The following CSMD1 variants were observed in gnomAD, a reference collection of about 807,000 sequenced individuals.
The protein encoded by CSMD1 is CUB and Sushi multiple domains 1, also known as CUB and sushi domain-containing protein 1.
CSMD1 carries 213 observed loss-of-function variants against 417.5 expected under a neutral mutation model. The observed-to-expected ratio is 0.51, with a 90% CI of 0.46 to 0.57. The LOEUF is 0.57. Among genes scored for constraint, CSMD1 ranks in the 20% least tolerant of loss-of-function variants. CSMD1 has a pLI of 0.00. For missense variants in CSMD1, 6,923 were observed against 4,529.7 expected (o/e 1.53, Z -15.17); for synonymous variants, 2,862 against 1,736.8 (o/e 1.65, Z -16.11).
At chr8:4,406,707 G>C (rs1362913635) in intron 3 of CSMD1, among the ~76,000 whole-genome samples, 1 of 152,168 alleles carries the variant, frequency 6.6e-6, no homozygotes. Flanking sequence ...CTTTCAACAA[G>C]CTTGTGATGT....
At chr8:4,115,050 G>C (rs1044137832) in intron 3 of CSMD1, among the ~76,000 whole-genome samples, 3 of 152,180 alleles carry the variant, frequency 2.0e-5, no homozygotes, top group Non-Finnish European at 2.9e-5. Context: ...TTCAAATTTT[G>C]AAAGAATTGC....
chr8:4,941,995 C>A (rs978021238), intron 1 of CSMD1, among the ~76,000 whole-genome samples: 1 of 152,134 alleles, frequency 6.6e-6, no homozygotes, highest in Non-Finnish European at 1.5e-5. Context: ...CATTTAAAAC[C>A]TGAATCAAAT....
intron 1 of CSMD1, among the ~76,000 whole-genome samples, chr8:4,977,546 C>T (rs1810634124): frequency 6.6e-6 from 1 of 152,200 alleles, no homozygotes; most frequent in Admixed American, 6.5e-5. Flanking sequence ...AGAGGGAACA[C>T]AGCGCACAGT....
intron 18 of CSMD1, among the ~76,000 whole-genome samples, chr8:3,383,483 C>T (rs1300813377): frequency 6.6e-6 from 1 of 151,948 alleles, no homozygotes; most frequent in Non-Finnish European, 1.5e-5. Flanking sequence ...GGAGGGAAGC[C>T]TTCTTCCACA....
chr8:3,947,669 G>A (rs962155471), intron 5 of CSMD1, among the ~76,000 whole-genome samples: 1 of 152,134 alleles, frequency 6.6e-6, no homozygotes, highest in Non-Finnish European at 1.5e-5. Flanking sequence ...ATTATGTTGT[G>A]ATAAGATAAT....
intron 10 of CSMD1, among the ~76,000 whole-genome samples, chr8:3,541,693 T>G (rs2117567924): frequency 6.7e-6 from 1 of 149,454 alleles, no homozygotes; most frequent in Non-Finnish European, 1.5e-5. Flanking sequence ...TAGTACTAGT[T>G]CAGAAAATTC....
chr8:4,022,839 G>A (rs1047238492), intron 4 of CSMD1, among the ~76,000 whole-genome samples: 1 of 152,204 alleles, frequency 6.6e-6, no homozygotes, highest in African/African-American at 2.4e-5. Context: ...TCAGAAAGAA[G>A]AAGAGAGTTC....
chr8:4,089,061 G>T (rs187394795), intron 3 of CSMD1, among the ~76,000 whole-genome samples: 1 of 152,142 alleles, frequency 6.6e-6, no homozygotes, highest in East Asian at 1.9e-4. Context: ...TGGTCTTGCC[G>T]CCAGAGCTTC....
At chr8:4,059,578 C>G (rs2130732124) in intron 3 of CSMD1, among the ~76,000 whole-genome samples, 1 of 151,906 alleles carries the variant, frequency 6.6e-6, no homozygotes, top group East Asian at 1.9e-4. Flanking sequence ...AGAGAAGAAT[C>G]AAATAGATGC....
chr8:3,036,250 T>G (rs1385804812), intron 50 of CSMD1, among the ~76,000 whole-genome samples: 1 of 152,206 alleles, frequency 6.6e-6, no homozygotes, highest in Non-Finnish European at 1.5e-5. Flanking sequence ...TTTAAGATAT[T>G]TAGACAAGGG....
intron 5 of CSMD1, among the ~76,000 whole-genome samples, chr8:3,991,274 G>C (rs538450009): frequency 2.1e-4 from 32 of 152,358 alleles, no homozygotes; most frequent in African/African-American, 5.8e-4. Context: ...GGTATTGAAA[G>C]AAGTTCGCAT....
At chr8:4,869,529 C>G (rs983166073) in intron 1 of CSMD1, among the ~76,000 whole-genome samples, 37 of 151,982 alleles carry the variant, frequency 2.4e-4, no homozygotes, top group African/African-American at 8.2e-4. Context: ...GATAGTGTAT[C>G]TATTTATATT....
chr8:3,556,832 T>C (rs1001352661), intron 10 of CSMD1, among the ~76,000 whole-genome samples: 3 of 151,948 alleles, frequency 2.0e-5, no homozygotes, highest in East Asian at 3.9e-4. Context: ...CTCCCTTCAC[T>C]GCCATAGGGC....
chr8:3,876,235 C>G (rs1414313309), intron 5 of CSMD1, among the ~76,000 whole-genome samples: 1 of 152,136 alleles, frequency 6.6e-6, no homozygotes, highest in African/African-American at 2.4e-5. Context: ...ATCGCTAAGC[C>G]AGACGTTTAA....
intron 11 of CSMD1, among the ~76,000 whole-genome samples, chr8:3,475,107 G>A (rs1289316704): frequency 6.6e-6 from 1 of 152,092 alleles, no homozygotes; most frequent in East Asian, 1.9e-4. Flanking sequence ...TGTATGGACT[G>A]TCAACTCTTC....
At chr8:4,845,236 G>C (rs761479091) in intron 1 of CSMD1, among the ~76,000 whole-genome samples, 1 of 152,018 alleles carries the variant, frequency 6.6e-6, no homozygotes, top group Non-Finnish European at 1.5e-5. Context: ...GTACTGTTCA[G>C]TATTATATTT....
intron 1 of CSMD1, among the ~76,000 whole-genome samples, chr8:4,849,450 G>A (rs955837098): frequency 2.0e-5 from 3 of 151,896 alleles, no homozygotes; most frequent in Non-Finnish European, 4.4e-5. Flanking sequence ...CGGTTGTAAA[G>A]TCCACAATAG....
chr8:3,236,937 C>G (rs1331249775), intron 26 of CSMD1, among the ~76,000 whole-genome samples: 2 of 152,048 alleles, frequency 1.3e-5, no homozygotes, highest in Non-Finnish European at 2.9e-5. Flanking sequence ...CACAGAGGCA[C>G]TTTCCACAGG....
At chr8:3,926,096 C>CCAT (rs761974231) in intron 5 of CSMD1, among the ~76,000 whole-genome samples, 1 of 81,180 alleles carries the variant, frequency 1.2e-5, no homozygotes, top group South Asian at 3.8e-4. Flanking sequence ...CACACACACA[C>CCAT]ACACACACAC....
Sources: allele counts gnomAD v4.1 joint callset (sites outside exome capture counted in the v4.1 genomes callset), GRCh38; gene constraint gnomAD v4.1.1; transcripts MANE v1.5; gene names NCBI Gene and HGNC (gene_info 2026-07-23, HGNC 2026-07-21).